KDM8: variants seen among roughly 807,000 people sequenced by gnomAD.
KDM8 encodes bifunctional peptidase and arginyl-hydroxylase JMJD5.
Under a neutral mutation model 46.9 loss-of-function variants are expected in KDM8, and 35 were observed. The ratio of observed to expected loss-of-function variants is 0.75; its 90% confidence interval spans 0.57 to 0.99. KDM8 has a LOEUF of 0.99. Among genes scored for constraint, KDM8 ranks in the 50% least tolerant of loss-of-function variants. KDM8 has a pLI of 0.00. For missense variants in KDM8, 475 were observed against 537.0 expected (o/e 0.88, Z 1.14); for synonymous variants, 232 against 227.7 (o/e 1.02, Z -0.17).
chr16:27,203,911 G>T, intron 1 of KDM8: 1 of 528,514 alleles, frequency 1.9e-6, no homozygotes, highest in Non-Finnish European at 3.4e-6. Flanking sequence ...ATGCGTGAGG[G>T]CAGGCCCTTA....
intron 5 of KDM8, among the ~76,000 whole-genome samples, chr16:27,218,563 C>T (rs1243027231): frequency 2.0e-5 from 3 of 152,222 alleles, no homozygotes; most frequent in Non-Finnish European, 4.4e-5. Context: ...CGGCAAGGGC[C>T]GGGTGCGGTG....
rs904300979 is a variant in KDM8 at position 27,204,107 on chromosome 16, A to G, written c.-32+471A>G. On this transcript the variant is annotated intron_variant, in intron 1 of 7. Coordinates refer to ENST00000286096, the MANE Select transcript of KDM8 (RefSeq NM_024773.3). ...AGGTCCCAAATATGAGCCGCGAGAAATGCAGCCCCGGGGAAGGCGCTGAGG... is the reference window on the plus strand; with the variant it reads ...AGGTCCCAAATATGAGCCGCGAGAAGTGCAGCCCCGGGGAAGGCGCTGAGG... 37 of 1,547,602 alleles carry G rather than the reference A, an allele frequency of 2.4e-5. No homozygotes were observed. The African/African-American group carries it at 4.8e-4, about 20-fold the overall frequency.
At chr16:27,211,751 T>A (rs2083486876) in intron 2 of KDM8, 1 of 152,194 alleles carries the variant, frequency 6.6e-6, no homozygotes, top group African/African-American at 2.4e-5. Flanking sequence ...CAATCTCAGC[T>A]CCCTGCAACC....
At position 27,210,298 on chromosome 16, in the gene KDM8, G is replaced by C; in HGVS notation, c.175G>C (p.Gly59Arg). The C allele has an allele frequency of 2.5e-6, 4 of 1,613,292 alleles. No individual in the cohort carries two copies. Among genetic ancestry groups the C allele is most frequent in the Non-Finnish European group, 2.5e-6 (3 of 1,180,038 alleles). The change falls in exon 2 of 8, where the codon GGC becomes CGC. Residue 59 changes from glycine to arginine, a missense_variant. Coordinates refer to ENST00000286096, the MANE Select transcript of KDM8 (RefSeq NM_024773.3). ...LQRATELFYEGRRDECLQSSE... is the reference protein window; with the variant it reads ...LQRATELFYERRRDECLQSSE... The stretch of plus-strand genomic sequence containing the variant: ...GCGAGCCACTGAGCTCTTCTACGAG[G>C]GCAGGAGGGACGAGTGTCTGCAGAG...
intron 1 of KDM8, chr16:27,203,965 G>A (rs915757020): frequency 1.5e-6 from 1 of 688,392 alleles, no homozygotes; most frequent in Non-Finnish European, 2.4e-6. Context: ...CGTCGCGTTG[G>A]TGTAGGCCTA....
intron 3 of KDM8, chr16:27,214,032 C>T (rs1438776744): frequency 3.6e-5 from 11 of 307,304 alleles, no homozygotes; most frequent in Non-Finnish European, 6.6e-5. Flanking sequence ...TGCAATTTTA[C>T]AGGATCCTAG....
At chr16:27,220,302 A>T (rs1186397366) in intron 6 of KDM8, 91 bp from the exon 7 acceptor site, 1 of 1,012,614 alleles carries the variant, frequency 9.9e-7, no homozygotes, top group Non-Finnish European at 1.6e-6. Flanking sequence ...GGGCCCAGGG[A>T]GCAGCATGTG....
intron 5 of KDM8, among the ~76,000 whole-genome samples, chr16:27,218,127 A>G (rs1290174127): frequency 6.6e-6 from 1 of 152,020 alleles, no homozygotes; most frequent in Non-Finnish European, 1.5e-5. Context: ...CTCTACAAAA[A>G]TAAAATTAGC....
intron 5 of KDM8, among the ~76,000 whole-genome samples, chr16:27,217,187 C>G (rs569379040): frequency 4.6e-4 from 70 of 152,310 alleles, no homozygotes; most frequent in African/African-American, 1.6e-3. Context: ...CTAGAACCTT[C>G]TCTACCTACA....
intron 1 of KDM8, 68 bp from the exon 2 acceptor site, chr16:27,210,025 G>A: frequency 6.9e-7 from 1 of 1,453,532 alleles, no homozygotes; most frequent in Non-Finnish European, 9.2e-7. Flanking sequence ...GATGCAGGAA[G>A]CTGCGGGAAT....
At chr16:27,210,662 G>A in intron 2 of KDM8, 41 bp downstream of exon 2, 1 of 1,486,308 alleles carries the variant, frequency 6.7e-7, no homozygotes, top group Non-Finnish European at 8.9e-7. Flanking sequence ...TAGCCATCCA[G>A]CAACCCTGTT....
rs2083609461 is a variant in KDM8 at position 27,220,565 on chromosome 16, G to A, written c.1087-1G>A. ...ATGATGACGTCCTTTGCTTTCTTCA[G>A]GTTGACGTGGAGAATCCCGACCTGG... On this transcript the variant is annotated splice_acceptor_variant, in intron 7 of 7. Transcript: ENST00000286096. LOFTEE classifies it high-confidence loss of function. 1 of 1,614,060 alleles carries A rather than the reference G, an allele frequency of 6.2e-7. No individual in the cohort carries two copies. Among genetic ancestry groups the A allele is most frequent in the Non-Finnish European group, 8.5e-7 (1 of 1,180,040 alleles).
chr16:27,207,315 A>G (rs1344770629), intron 1 of KDM8, among the ~76,000 whole-genome samples: 1 of 152,220 alleles, frequency 6.6e-6, no homozygotes, highest in African/African-American at 2.4e-5. Context: ...AGGCTGAGGC[A>G]GGAGAATCAC....
At chr16:27,212,476 A>G (rs1475041261) in intron 2 of KDM8, among the ~76,000 whole-genome samples, 2 of 152,160 alleles carry the variant, frequency 1.3e-5, no homozygotes, top group Admixed American at 6.5e-5. Context: ...GCTCACGCCT[A>G]TAATCCCAGC....
chr16:27,208,821 C>T (rs1356380824), intron 1 of KDM8, among the ~76,000 whole-genome samples: 4 of 152,202 alleles, frequency 2.6e-5, no homozygotes, highest in Non-Finnish European at 5.9e-5. Flanking sequence ...CAACACAAGC[C>T]TTCTAGGAGG....
At position 27,215,947 on chromosome 16, in the gene KDM8, A is replaced by G. The variant is rs1369222195; in HGVS notation, c.801A>G (p.Pro267=). Residue 267 remains proline (P), a splice_region_variant and synonymous_variant, in exon 5 of 8, where the codon CCA becomes CCG. Transcript: ENST00000286096. ...EFISKYIVNE[P]RDVGYLAQHQ... ...TCTGGTTTTCCCCGGTGGATTAGCC[A>G]AGGGACGTCGGGTACCTTGCTCAGC... The G allele has an allele frequency of 1.9e-6, 3 of 1,614,130 alleles. No homozygotes were observed. Among genetic ancestry groups the G allele is most frequent in the Non-Finnish European group, 2.5e-6 (3 of 1,180,030 alleles).
At chr16:27,206,153 C>G (rs1235128841) in intron 1 of KDM8, 1 of 895,950 alleles carries the variant, frequency 1.1e-6, no homozygotes, top group African/African-American at 1.8e-5. Context: ...GCACCACTCT[C>G]AAAGACTGCT....
intron 3 of KDM8, 25 bp from the exon 4 acceptor site, chr16:27,214,851 A>G: frequency 1.2e-6 from 2 of 1,613,678 alleles, no homozygotes; most frequent in Non-Finnish European, 1.7e-6. Context: ...AGCAGTGACG[A>G]TGCCAATGTG....
At chr16:27,204,021 C>G (rs1220800233) in intron 1 of KDM8, 23 of 1,354,892 alleles carry the variant, frequency 1.7e-5, no homozygotes, top group East Asian at 2.6e-5. Context: ...GTGTCCGCTG[C>G]TTTTAGGCAA....
Sources: gnomAD v4.1 joint callset for allele counts (sites outside exome capture counted in the v4.1 genomes callset) on GRCh38, gnomAD v4.1.1 for gene constraint, MANE v1.5 for transcripts, NCBI Gene and HGNC (gene_info 2026-07-23, HGNC 2026-07-21) for gene names.